The following ARVCF variants were observed in gnomAD, a reference collection of about 807,000 sequenced individuals.
ARVCF encodes the protein ARVCF delta catenin family member.
In ARVCF, 66 loss-of-function variants were observed where a neutral mutation model predicts 90.9. That is an observed-to-expected ratio of 0.73 (90% CI 0.60 to 0.89). The LOEUF (loss-of-function observed/expected upper bound fraction) is 0.89, where lower values mean the gene tolerates loss of function less well. Ranked by LOEUF, ARVCF falls within the 40% of genes least tolerant of loss-of-function variation. The pLI is 0.00. For synonymous variants in ARVCF, 653 were observed against 603.4 expected, an observed-to-expected ratio of 1.08 and a Z score of -1.21; for missense variants, 1,469 against 1,382.3, an observed-to-expected ratio of 1.06 and a Z score of -1.00.
At chr22:19,993,195 G>C (rs918084886) in intron 2 of ARVCF, among the ~76,000 whole-genome samples, 1 of 152,028 alleles carries the variant, frequency 6.6e-6, no homozygotes, top group Admixed American at 6.5e-5. Context: ...GGCATCTCAG[G>C]TGTCTCAAGA....
At chr22:19,979,346 AAC>A in intron 6 of ARVCF, 1 of 534,914 alleles carries the variant, frequency 1.9e-6, no homozygotes. Context: ...AGGTGGCACT[AAC>A]ACTCCTGAGG....
intron 10 of ARVCF, among the ~76,000 whole-genome samples, chr22:19,976,068 G>A (rs1341155191): frequency 6.6e-6 from 1 of 152,138 alleles, no homozygotes; most frequent in Non-Finnish European, 1.5e-5. Flanking sequence ...TGTAGACTGA[G>A]GGAAGCCAGG....
In ARVCF at chr22:19,990,643, C is replaced by T. The variant is rs1361615146; in HGVS notation, c.152G>A (p.Ser51Asn). The T allele has an allele frequency of 6.2e-7, 1 of 1,609,616 alleles. No individual in the cohort carries two copies. Among genetic ancestry groups the T allele is most frequent in the Non-Finnish European group, 8.5e-7 (1 of 1,178,746 alleles). ...GGGCTGCCCACTGCCCATGCCACCA[C>T]TGACCATGCCAGGCTGCTGGGCACG... ...LERAQQPGMV[S>N]GGMGSGQPLP... is the part of the protein sequence containing the mutation. The change falls in exon 3 of 20, where the codon AGT (serine) becomes AAT (asparagine). Residue 51 changes from serine to asparagine, a missense_variant. Physicochemically the swap from Ser to Asn is conservative, Grantham distance 46. Transcript: ENST00000263207.
At chr22:19,989,506 G>C (rs2048652188) in intron 3 of ARVCF, among the ~76,000 whole-genome samples, 1 of 151,962 alleles carries the variant, frequency 6.6e-6, no homozygotes, top group East Asian at 1.9e-4. Flanking sequence ...GAGCCCATGG[G>C]GCTGCCTCAA....
intron 2 of ARVCF, among the ~76,000 whole-genome samples, chr22:19,997,753 C>T (rs1405027907): frequency 6.6e-6 from 1 of 152,210 alleles, no homozygotes; most frequent in Non-Finnish European, 1.5e-5. Flanking sequence ...ACTCAGCCCA[C>T]CCACTCCGCC....
At chr22:19,971,607 C>T (rs1942795009) in intron 18 of ARVCF, among the ~76,000 whole-genome samples, 1 of 152,188 alleles carries the variant, frequency 6.6e-6, no homozygotes, top group Admixed American at 6.5e-5. Context: ...CTGGTGGGCT[C>T]TCACACGCAC....
chr22:19,973,199 G>T lies in ARVCF; in HGVS notation c.2358C>A (p.Ile786=). The change falls in exon 14 of 20, where the codon ATC becomes ATA. Residue 786 remains isoleucine (I), a synonymous_variant. Transcript: ENST00000263207. ...VVAVLNTIHE[I]VSDSLDNARS... The stretch of plus-strand genomic sequence containing the variant: ...GCGCGTTATCCAGGCTGTCGGACAC[G>T]ATTTCGTGGATGGTGTTGAGCACCG... 1 of 1,610,960 alleles carries T rather than the reference G, an allele frequency of 6.2e-7. No homozygotes were observed. Among genetic ancestry groups the T allele is most frequent in the Non-Finnish European group, 8.5e-7 (1 of 1,179,246 alleles).
In ARVCF at chr22:19,979,226, C is replaced by T. The variant is rs12158201; in HGVS notation, c.1397-146G>A. 88,787 of 872,036 alleles carry T rather than the reference C, an allele frequency of 0.1. 9,476 individuals carry two copies. Among genetic ancestry groups the T allele is most frequent in the African/African-American group, 0.48 (28,207 of 59,230 alleles). 54.0% of individuals were successfully genotyped at this position (872,036 alleles called of 1,614,324 possible). Reference sequence around the variant, plus strand: ...AAGTAACAAAAGCCGTGAGTGGTTCCGGGGGACACCCAGTACTGGTTTCCA... The same window carrying T: ...AAGTAACAAAAGCCGTGAGTGGTTCTGGGGGACACCCAGTACTGGTTTCCA... On this transcript the variant is annotated intron_variant, in intron 6 of 19. Coordinates refer to ENST00000263207, the MANE Select transcript of ARVCF (RefSeq NM_001670.3).
At chr22:19,980,348 G>A (rs949290351) in intron 5 of ARVCF, 106 bp from the exon 6 acceptor site, 9 of 1,410,498 alleles carry the variant, frequency 6.4e-6, no homozygotes, top group African/African-American at 1.5e-5. Context: ...ACCCAGCAGC[G>A]CTGGGCTGAG....
At chr22:19,997,614 G>A (rs369808277) in intron 2 of ARVCF, among the ~76,000 whole-genome samples, 2 of 152,194 alleles carry the variant, frequency 1.3e-5, no homozygotes, top group South Asian at 2.1e-4. Flanking sequence ...TGGAGTAGTG[G>A]CAGTGAGGGG....
At chr22:20,016,481 G>C (rs1410495838) in intron 1 of ARVCF, 108 bp downstream of exon 1, 1 of 152,172 alleles carries the variant, frequency 6.6e-6, no homozygotes, top group Non-Finnish European at 1.5e-5. Context: ...ACCCTGTCCG[G>C]ACCGCTGCCC....
intron 5 of ARVCF, 169 bp from the exon 6 acceptor site, chr22:19,980,411 A>T: frequency 9.5e-7 from 1 of 1,050,220 alleles, no homozygotes; most frequent in South Asian, 2.5e-5. Context: ...GTCATGCACC[A>T]GCCCAGTGAG....
At chr22:19,978,784 G>C (rs1943307828) in intron 7 of ARVCF, 113 bp downstream of exon 7, 2 of 1,293,690 alleles carry the variant, frequency 1.5e-6, no homozygotes, top group Non-Finnish European at 2.1e-6. Flanking sequence ...CCACAGCTCT[G>C]AAGCTCCTAA....
intron 3 of ARVCF, chr22:19,987,261 A>T: frequency 3.5e-5 from 2 of 56,660 alleles, no homozygotes; most frequent in Non-Finnish European, 7.3e-5. Flanking sequence ...GGCCGCGCCC[A>T]GGTGGGGCGT....
At chr22:19,976,483 C>T (rs1025000135) in intron 10 of ARVCF, among the ~76,000 whole-genome samples, 1 of 152,212 alleles carries the variant, frequency 6.6e-6, no homozygotes, top group Non-Finnish European at 1.5e-5. Flanking sequence ...TAAGTACCCC[C>T]GGGCCCTGCC....
downstream of ARVCF, chr22:19,968,567 T>G (rs1942559475): frequency 6.2e-7 from 1 of 1,613,924 alleles, no homozygotes; most frequent in African/African-American, 1.3e-5. Flanking sequence ...GGGACAGTGC[T>G]ACTGGCTGAC....
intron 1 of ARVCF, among the ~76,000 whole-genome samples, chr22:20,015,967 C>CAG (rs10678141): frequency 0.91 from 138,960 of 152,252 alleles, 63,989 homozygotes; most frequent in African/African-American, 0.97. Context: ...GCAAACCGAG[C>CAG]AGTCTCCCTC....
At chr22:19,979,452 G>A (rs1297718977) in intron 6 of ARVCF, 1 of 552,146 alleles carries the variant, frequency 1.8e-6, no homozygotes, top group Admixed American at 3.3e-5. Flanking sequence ...TGGGAACCAA[G>A]GAGGTGGGTC....
At chr22:19,971,769 A>G in intron 18 of ARVCF, 117 bp downstream of exon 18, 1 of 1,145,908 alleles carries the variant, frequency 8.7e-7, no homozygotes. Flanking sequence ...GCTTGGCCCC[A>G]CAACCCAGCT....
Sources: allele counts gnomAD v4.1 joint callset (sites outside exome capture counted in the v4.1 genomes callset), GRCh38; gene constraint gnomAD v4.1.1; transcripts MANE v1.5; gene names NCBI Gene and HGNC (gene_info 2026-07-23, HGNC 2026-07-21).